Variants in TAFA1 observed in about 807,000 individuals in gnomAD.
TAFA1 encodes TAFA chemokine like family member 1.
In TAFA1, 4 loss-of-function variants were observed where a neutral mutation model predicts 18.5. The ratio of observed to expected loss-of-function variants is 0.22; its 90% CI spans 0.11 to 0.49. The LOEUF is 0.49. TAFA1 is among the 20% of genes least tolerant of loss of function. The pLI, the probability that TAFA1 is intolerant of heterozygous loss-of-function variation, is 0.98. For missense variants in TAFA1, 147 were observed against 169.0 expected, an observed-to-expected ratio of 0.87 and a Z score of 0.72; for synonymous variants, 56 against 55.2, an observed-to-expected ratio of 1.01 and a Z score of -0.06.
At chr3:68,367,104 T>C (rs144277554) in intron 2 of TAFA1, among the ~76,000 whole-genome samples, 12 of 152,306 alleles carry the variant, frequency 7.9e-5, no homozygotes, top group Non-Finnish European at 1.5e-4. Flanking sequence ...TGTGAGAATG[T>C]AGTAGATTAC....
intron 2 of TAFA1, among the ~76,000 whole-genome samples, chr3:68,190,890 T>C (rs1236779017): frequency 6.6e-6 from 1 of 151,818 alleles, no homozygotes; most frequent in African/African-American, 2.4e-5. Context: ...ATGAATTAAA[T>C]AAAAAAGTAT....
intron 2 of TAFA1, among the ~76,000 whole-genome samples, chr3:68,008,190 C>G (rs1188522659): frequency 6.6e-6 from 1 of 152,228 alleles, no homozygotes; most frequent in Non-Finnish European, 1.5e-5. Flanking sequence ...GCTTGTATTT[C>G]TGCATCCTGT....
At chr3:68,388,655 T>G (rs908159058) in intron 2 of TAFA1, among the ~76,000 whole-genome samples, 1 of 152,174 alleles carries the variant, frequency 6.6e-6, no homozygotes, top group African/African-American at 2.4e-5. Context: ...AGGATCTTTG[T>G]TTTGTCATAC....
At chr3:67,992,096 G>A in the TAFA1 span, among the ~76,000 whole-genome samples, 1 of 152,150 alleles carries the variant, frequency 6.6e-6, no homozygotes, top group South Asian at 2.1e-4. Flanking sequence ...TTCACTAGTG[G>A]ACAGACATTT....
chr3:68,437,640 A>C (rs778982149), intron 3 of TAFA1, among the ~76,000 whole-genome samples: 1 of 152,060 alleles, frequency 6.6e-6, no homozygotes, highest in Non-Finnish European at 1.5e-5. Flanking sequence ...CCATGAATCC[A>C]TTAAGGAATT....
intron 2 of TAFA1, among the ~76,000 whole-genome samples, chr3:68,400,973 A>G (rs1425602909): frequency 6.6e-6 from 1 of 152,192 alleles, no homozygotes; most frequent in Non-Finnish European, 1.5e-5. Context: ...AGCCATATAG[A>G]AAAAGGAGAG....
chr3:68,390,345 G>A lies in TAFA1; in HGVS notation c.119-26935G>A, dbSNP rs190696328. Among the ~76,000 whole-genome samples the A allele has an allele frequency of 2.5e-3, 379 of 152,274 alleles. 2 individuals are homozygous for A. The highest frequency in any genetic ancestry group is 8.8e-3 in the African/African-American group (366 of 41,562). On this transcript the variant is annotated intron_variant, in intron 2 of 4. Coordinates refer to ENST00000478136, the MANE Select transcript of TAFA1 (RefSeq NM_213609.4). ...GCAGGGCATCTCTGAAAGAAAGGGA[G>A]AAACCCCAGTCAGGGACTTATATAT... is the stretch of plus-strand genomic sequence containing the variant.
chr3:68,206,108 A>T (rs879714159), intron 2 of TAFA1, among the ~76,000 whole-genome samples: 3 of 151,912 alleles, frequency 2.0e-5, no homozygotes, highest in Non-Finnish European at 2.9e-5. Flanking sequence ...ATTTACACAT[A>T]AAAAACCAGC....
upstream of TAFA1, among the ~76,000 whole-genome samples, chr3:68,001,601 CTTTTG>C (rs1422280920): frequency 1.4e-5 from 2 of 145,746 alleles, no homozygotes; most frequent in Non-Finnish European, 3.0e-5. Context: ...TTGGTTGCTG[CTTTTG>C]TTTGTTTGGT....
intron 3 of TAFA1, among the ~76,000 whole-genome samples, chr3:68,517,016 C>T (rs187779965): frequency 2.0e-5 from 3 of 152,224 alleles, no homozygotes; most frequent in Admixed American, 6.5e-5. Context: ...TCAAGTGATC[C>T]GCCCACCTCG....
At chr3:68,321,986 G>T (rs1170251729) in intron 2 of TAFA1, among the ~76,000 whole-genome samples, 2 of 152,160 alleles carry the variant, frequency 1.3e-5, no homozygotes, top group Non-Finnish European at 2.9e-5. Flanking sequence ...CCCAAAGACA[G>T]AGTTTTTTTC....
intron 2 of TAFA1, among the ~76,000 whole-genome samples, chr3:68,285,395 A>C (rs886940123): frequency 3.3e-5 from 5 of 152,150 alleles, no homozygotes; most frequent in Non-Finnish European, 5.9e-5. Flanking sequence ...TATACTTTTA[A>C]GATTTGTAGA....
chr3:68,354,246 A>T (rs1373489264), intron 2 of TAFA1, among the ~76,000 whole-genome samples: 1 of 152,034 alleles, frequency 6.6e-6, no homozygotes, highest in Non-Finnish European at 1.5e-5. Flanking sequence ...TCAACATTCA[A>T]AAAGTGAAAT....
intron 2 of TAFA1, among the ~76,000 whole-genome samples, chr3:68,301,524 G>A (rs994764692): frequency 6.6e-6 from 1 of 152,138 alleles, no homozygotes; most frequent in South Asian, 2.1e-4. Context: ...TCCAAATGTG[G>A]ACAGTAAACT....
At chr3:68,039,300 G>A (rs1705115768) in intron 2 of TAFA1, among the ~76,000 whole-genome samples, 3 of 152,128 alleles carry the variant, frequency 2.0e-5, no homozygotes, top group African/African-American at 7.2e-5. Flanking sequence ...ATTTCTAATT[G>A]TTTTAGTAAT....
intron 2 of TAFA1, among the ~76,000 whole-genome samples, chr3:68,120,878 G>C (rs1313402897): frequency 6.6e-6 from 1 of 152,038 alleles, no homozygotes; most frequent in East Asian, 1.9e-4. Flanking sequence ...TTTTTCCCAG[G>C]TACCTATCAC....
At chr3:68,101,228 G>A (rs1272832194) in intron 2 of TAFA1, among the ~76,000 whole-genome samples, 2 of 151,638 alleles carry the variant, frequency 1.3e-5, no homozygotes, top group Non-Finnish European at 2.9e-5. Context: ...GGCCCTCAAG[G>A]TAGGTGTGAT....
chr3:68,123,919 A>AAAAAAAAAAAT (rs1559529101), intron 2 of TAFA1, among the ~76,000 whole-genome samples: 1 of 106,886 alleles, frequency 9.4e-6, no homozygotes, highest in Non-Finnish European at 1.8e-5. Flanking sequence ...AAAAAAAAAA[A>AAAAAAAAAAAT]GCTTTCTTTT....
intron 2 of TAFA1, among the ~76,000 whole-genome samples, chr3:68,124,992 G>T (rs2106868967): frequency 6.6e-6 from 1 of 152,286 alleles, no homozygotes; most frequent in East Asian, 1.9e-4. Context: ...CATCCACTTG[G>T]CGTTGACTGA....
Sources: gnomAD v4.1 joint callset for allele counts (sites outside exome capture counted in the v4.1 genomes callset) on GRCh38, gnomAD v4.1.1 for gene constraint, MANE v1.5 for transcripts, NCBI Gene and HGNC (gene_info 2026-07-23, HGNC 2026-07-21) for gene names.